RASEF: variants seen among roughly 807,000 people sequenced by gnomAD.
RASEF encodes ras and EF-hand domain-containing protein.
In RASEF, 68 loss-of-function variants were observed where a neutral mutation model predicts 90.1. The observed-to-expected ratio is 0.75, with a 90% CI of 0.62 to 0.92. The LOEUF (loss-of-function observed/expected upper bound fraction) is 0.92. Ranked by LOEUF, RASEF falls within the 40% of genes least tolerant of loss-of-function variation. The pLI, the probability that RASEF is intolerant of heterozygous loss-of-function variation, is 0.00. For missense variants in RASEF, 949 were observed against 937.2 expected, an observed-to-expected ratio of 1.01 and a Z score of -0.16; for synonymous variants, 331 against 345.2, an observed-to-expected ratio of 0.96 and a Z score of 0.46.
chr9:83,008,978 CT>C (rs991327935), intron 6 of RASEF, among the ~76,000 whole-genome samples: 8 of 130,018 alleles, frequency 6.2e-5, no homozygotes, highest in African/African-American at 1.1e-4. Context: ...TATATATACT[CT>C]CCACTCATAA....
chr9:83,112,832 T>G, the RASEF span, among the ~76,000 whole-genome samples: 1 of 152,210 alleles, frequency 6.6e-6, no homozygotes, highest in Non-Finnish European at 1.5e-5. Context: ...TTTTTTTGTT[T>G]TTTGTTTTTT....
At chr9:83,081,585 T>A in the RASEF span, among the ~76,000 whole-genome samples, 1 of 152,182 alleles carries the variant, frequency 6.6e-6, no homozygotes, top group African/African-American at 2.4e-5. Context: ...GAAGACCACA[T>A]AAGGAAAGGT....
At chr9:83,191,570 T>C in the RASEF span, among the ~76,000 whole-genome samples, 5 of 152,208 alleles carry the variant, frequency 3.3e-5, no homozygotes, top group African/African-American at 9.6e-5. Context: ...ATTTAGAGTC[T>C]ATGGAAAAGA....
rs1200633103 is a variant in RASEF, at chr9:82,997,002, G to C, written c.1920+10C>G. 2 of 1,470,816 alleles carry C rather than the reference G, an allele frequency of 1.4e-6. No homozygotes were observed. The highest frequency in any genetic ancestry group is 1.9e-6 in the Non-Finnish European group (2 of 1,050,244). The allele number at this position is 1,470,816 out of a possible 1,614,324, so 91.1% of individuals were successfully genotyped here. A position where few individuals can be genotyped will look rare whatever the true frequency, so the allele number is the denominator to read the frequency against. ...GTGTAATTTTCTGTTTCTCCATTAT[G>C]ATTTCTTACCTCAATCATATCTACC... On this transcript the variant is annotated intron_variant, in intron 14 of 16. Coordinates refer to ENST00000376447, the MANE Select transcript of RASEF (RefSeq NM_152573.4).
chr9:83,148,664 C>T, the RASEF span, among the ~76,000 whole-genome samples: 24 of 152,128 alleles, frequency 1.6e-4, no homozygotes, highest in Non-Finnish European at 1.9e-4. Context: ...TTACAACAGC[C>T]CTTGGAAACT....
At chr9:83,015,686 A>T in intron 4 of RASEF, 119 bp downstream of exon 4, 1 of 789,378 alleles carries the variant, frequency 1.3e-6, no homozygotes, top group South Asian at 1.5e-5. Flanking sequence ...TCTCAAAACA[A>T]ATCTGAAATC....
rs536840784 is a variant in RASEF at position 83,018,639 on chromosome 9, A to T, written c.670-2739T>A. Among the ~76,000 whole-genome samples, 3 of 151,870 alleles carry T rather than the reference A, an allele frequency of 2.0e-5. No individual in the cohort carries two copies. The South Asian group carries it at 6.2e-4, about 32-fold the overall frequency. On this transcript the variant is annotated intron_variant, in intron 3 of 16. Coordinates refer to ENST00000376447, the MANE Select transcript of RASEF (RefSeq NM_152573.4). ...AATTAAAATAGGCAAAACAACTTTT[A>T]AAAAAGCACAAAGTTGAAGAAGAAC...
the RASEF span, among the ~76,000 whole-genome samples, chr9:83,187,372 C>T: frequency 1.3e-5 from 2 of 152,110 alleles, no homozygotes; most frequent in South Asian, 4.1e-4. Context: ...GGTAGTTGCC[C>T]TTTTGCTCTT....
intron 4 of RASEF, among the ~76,000 whole-genome samples, chr9:83,015,088 A>G (rs1378219095): frequency 6.6e-6 from 1 of 152,206 alleles, no homozygotes; most frequent in Non-Finnish European, 1.5e-5. Flanking sequence ...TAGATCTGGA[A>G]TTTTCTACTT....
chr9:83,059,267 A>AAT (rs1554711028), intron 1 of RASEF, among the ~76,000 whole-genome samples: 2 of 93,748 alleles, frequency 2.1e-5, no homozygotes, highest in Non-Finnish European at 4.0e-5. Flanking sequence ...TCAAATGCTC[A>AAT]ATACACACAC....
At chr9:83,030,077 C>A (rs1829617751) in intron 1 of RASEF, among the ~76,000 whole-genome samples, 1 of 152,178 alleles carries the variant, frequency 6.6e-6, no homozygotes, top group Non-Finnish European at 1.5e-5. Flanking sequence ...AAGATACTGT[C>A]ACCGAGTGGG....
At chr9:83,203,674 T>TG in the RASEF span, among the ~76,000 whole-genome samples, 1 of 151,912 alleles carries the variant, frequency 6.6e-6, no homozygotes, top group African/African-American at 2.4e-5. Context: ...GGTGGTACGG[T>TG]GGGGGTCTCT....
the RASEF span, among the ~76,000 whole-genome samples, chr9:83,163,324 C>T: frequency 1.3e-5 from 2 of 152,096 alleles, no homozygotes; most frequent in Admixed American, 1.3e-4. Flanking sequence ...TAACTCATGT[C>T]CAGGTATCAA....
At chr9:83,068,901 ATT>A in the RASEF span, among the ~76,000 whole-genome samples, 1 of 152,226 alleles carries the variant, frequency 6.6e-6, no homozygotes. Context: ...ACTGGAAACT[ATT>A]TGTCATGCAA....
At chr9:83,107,494 C>T in the RASEF span, among the ~76,000 whole-genome samples, 1 of 152,130 alleles carries the variant, frequency 6.6e-6, no homozygotes, top group South Asian at 2.1e-4. Context: ...TGGACAAAAC[C>T]TCTGTTTTCT....
At chr9:83,114,276 A>C in the RASEF span, among the ~76,000 whole-genome samples, 1 of 152,168 alleles carries the variant, frequency 6.6e-6, no homozygotes, top group South Asian at 2.1e-4. Context: ...TTCCCCAATC[A>C]ATACCCTTGT....
At chr9:83,180,935 TTCTGCTGGTCAGAATTTG>T in the RASEF span, among the ~76,000 whole-genome samples, 50 of 151,960 alleles carry the variant, frequency 3.3e-4, no homozygotes, top group Admixed American at 1.4e-3. Context: ...ATATGTGCAG[TTCTGCTGGTCAGAATTTG>T]TCTGCCTCAT....
chr9:83,143,400 A>T, the RASEF span, among the ~76,000 whole-genome samples: 1 of 152,182 alleles, frequency 6.6e-6, no homozygotes, highest in East Asian at 1.9e-4. Context: ...TAACCCCATT[A>T]AAAAACAGGA....
In RASEF at chr9:83,062,966, C is replaced by T. The variant is rs1830244939; in HGVS notation, c.-99G>A. 7.9e-7 allele frequency: 1 copy of T among 1,270,726 alleles called. No individual in the cohort carries two copies. Among genetic ancestry groups the T allele is most frequent in the Non-Finnish European group, 1.0e-6 (1 of 983,666 alleles). The allele number at this position is 1,270,726 out of a possible 1,614,324, so 78.7% of individuals were successfully genotyped here. A position where few individuals can be genotyped will look rare whatever the true frequency, so the allele number is the denominator to read the frequency against. On this transcript the variant is annotated 5_prime_UTR_variant, in exon 1 of 17. Coordinates refer to ENST00000376447, the MANE Select transcript of RASEF (RefSeq NM_152573.4). ...CACCTGCTGCCGCCGGGAGGCCCGG[C>T]GAGTTTGGCTCGTCCGGCTGGTTCG...
Sources: gnomAD v4.1 joint callset for allele counts (sites outside exome capture counted in the v4.1 genomes callset) on GRCh38, gnomAD v4.1.1 for gene constraint, MANE v1.5 for transcripts, NCBI Gene and HGNC (gene_info 2026-07-23, HGNC 2026-07-21) for gene names.